The following PRAG1 variants were observed in gnomAD, a reference collection of about 807,000 sequenced individuals.
PRAG1 encodes PEAK1 related, kinase-activating pseudokinase 1.
PRAG1 carries 110 observed loss-of-function variants against 95.6 expected under a neutral mutation model. The observed-to-expected ratio is 1.15, with a 90% confidence interval of 0.99 to 1.35. PRAG1 has a LOEUF of 1.35. Among genes scored for constraint, PRAG1 ranks in the 40% most tolerant of loss-of-function variants. PRAG1 has a pLI of 0.00. For missense variants in PRAG1, 2,554 were observed against 1,864.7 expected (o/e 1.37, Z -6.81); for synonymous variants, 1,052 against 819.4 (o/e 1.28, Z -4.85).
At chr8:8,351,608 C>CA (rs1214346249) in intron 3 of PRAG1, among the ~76,000 whole-genome samples, 3 of 152,104 alleles carry the variant, frequency 2.0e-5, no homozygotes, top group Non-Finnish European at 4.4e-5. Context: ...GTCCATTGAC[C>CA]AGACCTCATT....
chr8:8,379,513 A>G (rs775696232), intron 2 of PRAG1, among the ~76,000 whole-genome samples: 9 of 152,164 alleles, frequency 5.9e-5, no homozygotes, highest in Non-Finnish European at 1.0e-4. Flanking sequence ...GCTTAGGAAA[A>G]AACAGAGCAG....
Position 8,381,604 on chromosome 8 carries a change from C to T in PRAG1, c.144G>A (p.Gln48=), listed in dbSNP as rs1308190411. 13 of 1,613,940 alleles carry T rather than the reference C, an allele frequency of 8.1e-6. No homozygotes were observed. The highest frequency in any genetic ancestry group is 1.1e-5 in the Non-Finnish European group (13 of 1,179,906). ...GAGGGGGCAGGCTGCCCGCTCTGGG[C>T]TGGGGAGGGCCGGCCACCAGCTGGT... is the stretch of plus-strand genomic sequence containing the variant. ...SDHQLVAGPP[Q]PRAGSLPPPP... is the part of the protein sequence containing the mutation. Residue 48 remains glutamine, a synonymous_variant, in exon 2 of 6, where the codon CAG becomes CAA. Coordinates refer to ENST00000615670, the MANE Select transcript of PRAG1 (RefSeq NM_001080826.3).
At chr8:8,383,300 G>A (rs1800744792) in intron 1 of PRAG1, among the ~76,000 whole-genome samples, 2 of 152,222 alleles carry the variant, frequency 1.3e-5, no homozygotes, top group African/African-American at 4.8e-5. Flanking sequence ...GCCAGGCGCG[G>A]TGGCTCACGC....
intron 3 of PRAG1, among the ~76,000 whole-genome samples, chr8:8,344,011 C>T (rs573721448): frequency 9.9e-5 from 15 of 152,036 alleles, no homozygotes; most frequent in South Asian, 4.2e-4. Context: ...ATCAGTATAA[C>T]CTATATCAAT....
chr8:8,367,804 G>C (rs938988723), intron 3 of PRAG1, among the ~76,000 whole-genome samples: 1 of 152,078 alleles, frequency 6.6e-6, no homozygotes, highest in Non-Finnish European at 1.5e-5. Flanking sequence ...ACCATGCCCA[G>C]CTAATTTTTT....
chr8:8,323,364 G>C (rs555521083), intron 5 of PRAG1, among the ~76,000 whole-genome samples: 1 of 150,302 alleles, frequency 6.7e-6, no homozygotes, highest in Non-Finnish European at 1.5e-5. Context: ...TGTTGCCCAG[G>C]CTGGAGTGCA....
chr8:8,319,403 A>G, intron 5 of PRAG1, 101 bp from the exon 6 acceptor site: 1 of 958,684 alleles, frequency 1.0e-6, no homozygotes, highest in Non-Finnish European at 1.5e-6. Context: ...AAGCCTATCC[A>G]CATAGGCTTA....
chr8:8,319,853 C>A (rs995160131), intron 5 of PRAG1, among the ~76,000 whole-genome samples: 7 of 152,200 alleles, frequency 4.6e-5, no homozygotes, highest in African/African-American at 1.7e-4. Context: ...TGCTGGACAT[C>A]ATTATTCATC....
At chr8:8,349,930 TAC>T (rs67536846) in intron 3 of PRAG1, among the ~76,000 whole-genome samples, 17,353 of 144,442 alleles carry the variant, frequency 0.12, 1,059 homozygotes, top group Middle Eastern at 0.18. Flanking sequence ...GATAGGAAAA[TAC>T]ACACACACAC....
chr8:8,328,311 G>T lies in PRAG1; in HGVS notation c.2471C>A (p.Ala824Glu). Residue 824 changes from alanine (A) to glutamate (E), a missense_variant, in exon 5 of 6, where the codon GCA (alanine) becomes GAA (glutamate). By Grantham distance (107) the Ala-to-Glu change is moderately radical. Transcript: ENST00000615670. ...PLPQKKIVSR[A>E]ASSPDGFFWT... ...GAAGAAGCCATCCGGTGAAGAGGCT[G>T]CCCGGCTCACTATCTTTTTCTGGGG... 11 of 1,613,802 alleles carry T rather than the reference G, an allele frequency of 6.8e-6. No homozygotes were observed. The highest frequency in any genetic ancestry group is 9.3e-6 in the Non-Finnish European group (11 of 1,179,878).
Position 8,318,339 on chromosome 8 carries a change from C to T in PRAG1, c.4036G>A (p.Ala1346Thr). ...LVQQPGTSEEALCGTLHNWID... is the reference protein window; with the variant it reads ...LVQQPGTSEETLCGTLHNWID... ...CAGTTGTGCAGCGTGCCGCACAGCG[C>T]CTCCTCCGAGGTGCCCGGCTGCTGC... The change falls in exon 6 of 6, where the codon GCG becomes ACG. Residue 1346 changes from alanine to threonine, a missense_variant. Coordinates refer to ENST00000615670, the MANE Select transcript of PRAG1 (RefSeq NM_001080826.3). This position sits in a 1 kb window ranked among gnomAD's most constrained non-coding sequence, Gnocchi z 4.2. 2.5e-6 allele frequency: 4 copies of T among 1,614,104 alleles called. No homozygotes were observed. The South Asian group carries it at 3.3e-5, about 13-fold the overall frequency.
intron 4 of PRAG1, among the ~76,000 whole-genome samples, chr8:8,334,203 G>A (rs1168307308): frequency 1.3e-5 from 2 of 152,204 alleles, no homozygotes; most frequent in Non-Finnish European, 2.9e-5. Context: ...CAGTACTTTG[G>A]TGAGCTGAGG....
At chr8:8,321,849 C>T (rs902613993) in intron 5 of PRAG1, among the ~76,000 whole-genome samples, 3 of 152,192 alleles carry the variant, frequency 2.0e-5, no homozygotes, top group Admixed American at 6.5e-5. Context: ...GCCATAAACA[C>T]TGAATTAGTG....
At chr8:8,361,940 T>C (rs1799858841) in intron 3 of PRAG1, among the ~76,000 whole-genome samples, 1 of 152,248 alleles carries the variant, frequency 6.6e-6, no homozygotes, top group Admixed American at 6.5e-5. Context: ...GCTCCCAATT[T>C]ACTAGAAACA....
intron 1 of PRAG1, among the ~76,000 whole-genome samples, chr8:8,384,318 G>A (rs1393402057): frequency 6.6e-6 from 1 of 152,108 alleles, no homozygotes; most frequent in Non-Finnish European, 1.5e-5. Flanking sequence ...TGCAAAGGGA[G>A]TGTGGAAGGA....
At position 8,325,111 on chromosome 8, in the gene PRAG1, G is replaced by C. The variant is rs541009435; in HGVS notation, c.3072+2599C>G. Among the ~76,000 whole-genome samples the C allele has an allele frequency of 4.1e-4, 62 of 152,292 alleles. 1 individual carries two copies. Among genetic ancestry groups the C allele is most frequent in the African/African-American group, 1.4e-3 (59 of 41,556 alleles). On this transcript the variant is annotated intron_variant, in intron 5 of 5. Coordinates refer to ENST00000615670, the MANE Select transcript of PRAG1 (RefSeq NM_001080826.3). ...CCTCAGACAGGCAGCTCGCTGGCTG[G>C]GAAGGGAGACCCACTCCCCCTCCTG...
chr8:8,377,220 G>T lies in PRAG1; in HGVS notation c.1189C>A (p.Pro397Thr). Residue 397 changes from proline to threonine, a missense_variant, in exon 3 of 6, where the codon CCC (proline) becomes ACC (threonine). Pro to Thr is a conservative substitution (Grantham distance 38). Transcript: ENST00000615670. ...PSRCLGLTGE[P>T]QPPAHPREAT... Reference sequence around the variant, plus strand: ...TCCCGGGGGTGGGCCGGGGGCTGGGGCTCCCCCGTCAGCCCAAGGCATCTG... The same window carrying T: ...TCCCGGGGGTGGGCCGGGGGCTGGGTCTCCCCCGTCAGCCCAAGGCATCTG... 6.2e-7 allele frequency: 1 copy of T among 1,612,016 alleles called. No individual in the cohort carries two copies. The highest frequency in any genetic ancestry group is 1.7e-5 in the Admixed American group (1 of 59,976).
rs376190600 is a variant in PRAG1 at position 8,319,181 on chromosome 8, G to A, written c.3194C>T (p.Ser1065Phe). Reference protein sequence around the residue: ...VASVPSSMLSSPDAPKDPVPA... With the variant: ...VASVPSSMLSFPDAPKDPVPA... ...CACAGGGTCCTTGGGCGCGTCGGGG[G>A]AGCTGAGCATGCTGGACGGCACCGA... The change falls in exon 6 of 6, where the codon TCC (serine) becomes TTC (phenylalanine). Residue 1065 changes from serine to phenylalanine, a missense_variant. Physicochemically the swap from Ser to Phe is radical, Grantham distance 155. Coordinates refer to ENST00000615670, the MANE Select transcript of PRAG1 (RefSeq NM_001080826.3). The A allele has an allele frequency of 6.2e-7, 1 of 1,603,476 alleles. No homozygotes were observed. Among genetic ancestry groups the A allele is most frequent in the South Asian group, 1.1e-5 (1 of 90,110 alleles).
intron 4 of PRAG1, among the ~76,000 whole-genome samples, chr8:8,334,917 A>G (rs951268592): frequency 2.6e-5 from 4 of 151,998 alleles, no homozygotes; most frequent in Non-Finnish European, 5.9e-5. Context: ...ACTCGTCTCT[A>G]CTAAAAATAG....
Sources: allele counts gnomAD v4.1 joint callset (sites outside exome capture counted in the v4.1 genomes callset), GRCh38; gene constraint gnomAD v4.1.1; non-coding constraint Gnocchi (gnomAD v3.1); transcripts MANE v1.5; gene names NCBI Gene and HGNC (gene_info 2026-07-23, HGNC 2026-07-21).